PARD3: variants seen among roughly 807,000 people sequenced by gnomAD.
PARD3 encodes par-3 family cell polarity regulator, also known as partitioning defective 3 homolog.
PARD3 carries 75 observed loss-of-function variants against 155.4 expected under a neutral mutation model. The observed-to-expected ratio is 0.48, with a 90% confidence interval of 0.40 to 0.58. The LOEUF (loss-of-function observed/expected upper bound fraction) is 0.58, where lower values mean the gene tolerates loss of function less well. Among genes scored for constraint, PARD3 ranks in the 20% least tolerant of loss-of-function variants. PARD3 has a pLI of 0.00. For synonymous variants in PARD3, 576 were observed against 610.5 expected (o/e 0.94, Z 0.83); for missense variants, 1,642 against 1,721.7 (o/e 0.95, Z 0.82).
intron 7 of PARD3, among the ~76,000 whole-genome samples, chr10:34,396,658 C>G (rs1252749607): frequency 6.6e-6 from 1 of 152,012 alleles, no homozygotes; most frequent in African/African-American, 2.4e-5. Flanking sequence ...AATTAGTTAT[C>G]CTCCAAAATT....
intron 7 of PARD3, among the ~76,000 whole-genome samples, chr10:34,385,414 G>A (rs781212468): frequency 5.9e-5 from 9 of 152,146 alleles, no homozygotes; most frequent in Non-Finnish European, 7.3e-5. Flanking sequence ...GGGATTACAG[G>A]CATGAGCCAC....
At chr10:34,752,045 T>C (rs775414239) in intron 1 of PARD3, among the ~76,000 whole-genome samples, 42 of 152,074 alleles carry the variant, frequency 2.8e-4, no homozygotes, top group Non-Finnish European at 5.4e-4. Flanking sequence ...ATCTAAGACA[T>C]AGTTTTCCTA....
chr10:34,404,473 T>A (rs2132230746), intron 5 of PARD3, among the ~76,000 whole-genome samples: 1 of 152,208 alleles, frequency 6.6e-6, no homozygotes, highest in African/African-American at 2.4e-5. Flanking sequence ...TCAAGACCAG[T>A]GTGGGCAACA....
intron 22 of PARD3, among the ~76,000 whole-genome samples, chr10:34,165,566 C>T (rs1949491081): frequency 6.6e-6 from 1 of 152,186 alleles, no homozygotes; most frequent in Admixed American, 6.5e-5. Flanking sequence ...AGAGCCAGTG[C>T]CACCCCTCTC....
intron 5 of PARD3, among the ~76,000 whole-genome samples, chr10:34,426,007 T>A (rs1037910972): frequency 1.3e-5 from 2 of 152,060 alleles, no homozygotes; most frequent in African/African-American, 4.8e-5. Context: ...CAGAGTTGAA[T>A]TTTTTTTAAT....
chr10:34,765,298 A>C (rs1837944502), intron 1 of PARD3, among the ~76,000 whole-genome samples: 1 of 152,226 alleles, frequency 6.6e-6, no homozygotes, highest in Non-Finnish European at 1.5e-5. Context: ...CCCAGGTAAC[A>C]GCTAGTGCAA....
At chr10:34,454,584 T>G (rs919506117) in intron 4 of PARD3, among the ~76,000 whole-genome samples, 1 of 152,044 alleles carries the variant, frequency 6.6e-6, no homozygotes, top group Non-Finnish European at 1.5e-5. Context: ...TAAATTAATT[T>G]GTTAGAGTTA....
chr10:34,282,113 C>T lies in PARD3; in HGVS notation c.3176+2022G>A, dbSNP rs1328691467. 2.6e-5 allele frequency among the ~76,000 whole-genome samples: 4 copies of T among 151,590 alleles called. 1 individual carries two copies. The highest frequency in any genetic ancestry group is 9.7e-5 in the African/African-American group (4 of 41,258). On this transcript the variant is annotated intron_variant, in intron 21 of 24. Transcript: ENST00000374788. Reference sequence around the variant, plus strand: ...GCCCTATTAAAATACAAGTGCCAAACCTACTCCACCTCCTAGTTCAGTCCG... The same window carrying T: ...GCCCTATTAAAATACAAGTGCCAAATCTACTCCACCTCCTAGTTCAGTCCG...
At chr10:34,425,602 G>A in intron 5 of PARD3, among the ~76,000 whole-genome samples, 1 of 152,060 alleles carries the variant, frequency 6.6e-6, no homozygotes, top group East Asian at 1.9e-4. Flanking sequence ...TCCCTAGGTT[G>A]CTGAGGCTTG....
chr10:34,320,122 T>C (rs1185001094), intron 19 of PARD3, among the ~76,000 whole-genome samples: 2 of 152,320 alleles, frequency 1.3e-5, no homozygotes, highest in East Asian at 3.9e-4. Flanking sequence ...AATGGCTGCA[T>C]AAATGAAAGA....
chr10:34,776,723 G>A (rs775618820), intron 1 of PARD3, among the ~76,000 whole-genome samples: 1 of 151,432 alleles, frequency 6.6e-6, no homozygotes, highest in Non-Finnish European at 1.5e-5. Context: ...AACATTGTGA[G>A]CAGAAAATTA....
rs544540539 is a variant in PARD3, at chr10:34,442,766, A to T, written c.714+7551T>A. On this transcript the variant is annotated intron_variant, in intron 5 of 24. Transcript: ENST00000374788. ...TGCATCAGTAGTCCCAGCTGCTCAG[A>T]AGGCTAAAGCAGGACGATTGCTTGA... Among the ~76,000 whole-genome samples the T allele has an allele frequency of 2.0e-5, 3 of 152,286 alleles. No homozygotes were observed. The East Asian group carries it at 5.8e-4, about 29-fold the overall frequency.
chr10:34,582,490 G>C (rs1186574136), intron 2 of PARD3, among the ~76,000 whole-genome samples: 1 of 152,204 alleles, frequency 6.6e-6, no homozygotes, highest in Non-Finnish European at 1.5e-5. Context: ...GTAGCCACTT[G>C]TCCACAAATC....
intron 16 of PARD3, among the ~76,000 whole-genome samples, chr10:34,339,362 A>C (rs910525219): frequency 2.6e-5 from 4 of 152,202 alleles, no homozygotes; most frequent in African/African-American, 9.6e-5. Context: ...GTCTCAAAAA[A>C]AAAACAAAAA....
At chr10:34,298,079 G>A (rs1296550187) in intron 20 of PARD3, among the ~76,000 whole-genome samples, 1 of 152,294 alleles carries the variant, frequency 6.6e-6, no homozygotes, top group African/African-American at 2.4e-5. Context: ...TTGGTAAAAT[G>A]TAACCATCCT....
chr10:34,814,794 T>C (rs1844697097), intron 1 of PARD3, 82 bp downstream of exon 1: 8 of 1,213,620 alleles, frequency 6.6e-6, no homozygotes, highest in Non-Finnish European at 9.0e-6. Context: ...GCGCCTCTCC[T>C]CCCCCTTCCA....
rs75990757 is a variant in PARD3 at position 34,401,044 on chromosome 10, G to A, written c.806+782C>T. Among the ~76,000 whole-genome samples, 461 of 152,210 alleles carry A rather than the reference G, an allele frequency of 3.0e-3. 2 individuals carry two copies. The highest frequency in any genetic ancestry group is 0.01 in the African/African-American group (434 of 41,524). ...TACATTCAAACAGCATCTGACTCTAGTGCCTGCTTAATCTCACTTCTCTTG... is the reference window on the plus strand; with the variant it reads ...TACATTCAAACAGCATCTGACTCTAATGCCTGCTTAATCTCACTTCTCTTG... On this transcript the variant is annotated intron_variant, in intron 6 of 24. Transcript: ENST00000374788.
intron 17 of PARD3, 31 bp from the exon 18 acceptor site, chr10:34,336,274 C>G (rs2134268258): frequency 6.4e-7 from 1 of 1,562,478 alleles, no homozygotes; most frequent in Non-Finnish European, 8.8e-7. Flanking sequence ...AATAGTTAGC[C>G]CAGTTAGTTC....
intron 14 of PARD3, among the ~76,000 whole-genome samples, chr10:34,356,955 A>G (rs762110513): frequency 1.3e-5 from 2 of 152,238 alleles, no homozygotes; most frequent in Non-Finnish European, 2.9e-5. Flanking sequence ...TGATACCATA[A>G]GGAATATTGA....
Sources: gnomAD v4.1 joint callset for allele counts (sites outside exome capture counted in the v4.1 genomes callset) on GRCh38, gnomAD v4.1.1 for gene constraint, MANE v1.5 for transcripts, NCBI Gene and HGNC (gene_info 2026-07-23, HGNC 2026-07-21) for gene names.